The following PROS1 variants were observed in gnomAD, a reference collection of about 807,000 sequenced individuals.
PROS1 encodes protein S, also known as vitamin K-dependent protein S.
Under a neutral mutation model 75.9 loss-of-function variants are expected in PROS1, and 29 were observed. The observed-to-expected ratio is 0.38, with a 90% CI of 0.28 to 0.52. PROS1 has a LOEUF of 0.52. Among genes scored for constraint, PROS1 ranks in the 20% least tolerant of loss-of-function variants. PROS1 has a pLI of 0.83. For synonymous variants in PROS1, 245 were observed against 280.6 expected, an observed-to-expected ratio of 0.87 and a Z score of 1.27; for missense variants, 680 against 810.3, an observed-to-expected ratio of 0.84 and a Z score of 1.95.
At chr3:93,956,617 A>G (rs1013890858) in intron 1 of PROS1, among the ~76,000 whole-genome samples, 2 of 150,456 alleles carry the variant, frequency 1.3e-5, no homozygotes, top group Non-Finnish European at 3.0e-5. Context: ...AAGCCTCACA[A>G]GATAGTGGAT....
chr3:93,948,214 G>T (rs1709436225), intron 1 of PROS1, among the ~76,000 whole-genome samples: 1 of 151,590 alleles, frequency 6.6e-6, no homozygotes, highest in Non-Finnish European at 1.5e-5. Flanking sequence ...TGAAGACACA[G>T]AAGAAAACAT....
Position 93,964,878 on chromosome 3 carries a change from T to C in PROS1, c.76+8796A>G, listed in dbSNP as rs1038188198. On this transcript the variant is annotated intron_variant, in intron 1 of 14. Transcript: ENST00000394236. ...TCAGCCAGCCAACACTTATGGAAAA[T>C]AGAAAGAACCTATGTTGAAATATTG... 2.6e-5 allele frequency among the ~76,000 whole-genome samples: 4 copies of C among 152,106 alleles called. No individual in the cohort carries two copies. In the East Asian group the frequency reaches 5.8e-4, roughly 22 times the overall value.
intron 13 of PROS1, 139 bp from the exon 14 acceptor site, chr3:93,877,330 G>GA: frequency 1.7e-6 from 1 of 581,968 alleles, no homozygotes; most frequent in African/African-American, 1.9e-5. Context: ...AAATTTAAGG[G>GA]AAAAATCACT....
intron 1 of PROS1, among the ~76,000 whole-genome samples, chr3:93,956,502 C>T (rs1709601360): frequency 6.7e-6 from 1 of 149,554 alleles, no homozygotes; most frequent in African/African-American, 2.5e-5. Context: ...CTCTGTCTCT[C>T]TCTCTCTCTG....
chr3:93,890,839 C>T (rs1236623842), intron 10 of PROS1, among the ~76,000 whole-genome samples: 1 of 152,174 alleles, frequency 6.6e-6, no homozygotes, highest in Admixed American at 6.5e-5. Flanking sequence ...GGTGCAGTGG[C>T]TCACACCTGT....
chr3:93,952,304 C>G (rs1709513839), intron 1 of PROS1, among the ~76,000 whole-genome samples: 1 of 152,138 alleles, frequency 6.6e-6, no homozygotes, highest in Non-Finnish European at 1.5e-5. Flanking sequence ...CACACTTATT[C>G]CAAAATTGAC....
intron 7 of PROS1, among the ~76,000 whole-genome samples, chr3:93,899,063 A>G (rs1308335349): frequency 1.3e-5 from 2 of 152,048 alleles, no homozygotes; most frequent in Non-Finnish European, 2.9e-5. Context: ...GGTTGATACA[A>G]TCAGGAATTA....
chr3:93,905,464 G>T (rs531861176), intron 6 of PROS1, among the ~76,000 whole-genome samples: 1 of 152,174 alleles, frequency 6.6e-6, no homozygotes, highest in South Asian at 2.1e-4. Context: ...AACTAGCTGG[G>T]CATGGTGGCA....
At chr3:93,958,237 T>C (rs1022044021) in intron 1 of PROS1, among the ~76,000 whole-genome samples, 4 of 152,216 alleles carry the variant, frequency 2.6e-5, no homozygotes, top group Admixed American at 2.6e-4. Flanking sequence ...AAAGAATTTG[T>C]GTCATCTAAC....
chr3:93,898,667 A>G lies in PROS1; in HGVS notation c.728-98T>C, dbSNP rs1576182964. 5.1e-6 allele frequency: 7 copies of G among 1,376,004 alleles called. No homozygotes were observed. The East Asian group carries it at 1.4e-4, about 28-fold the overall frequency. 85.2% of individuals were successfully genotyped at this position (1,376,004 alleles called of 1,614,324 possible). On this transcript the variant is annotated intron_variant, in intron 7 of 14. Transcript: ENST00000394236. ...TTATGATTGTAGTATGATATAATCA[A>G]TGATAATCGAACCTTAGGGAAAGAA...
intron 1 of PROS1, among the ~76,000 whole-genome samples, chr3:93,931,202 T>A (rs1709100529): frequency 6.6e-6 from 1 of 152,184 alleles, no homozygotes; most frequent in Non-Finnish European, 1.5e-5. Context: ...GGTGACATGA[T>A]TTGCTACGAG....
chr3:93,966,801 C>T (rs1032263852), intron 1 of PROS1, among the ~76,000 whole-genome samples: 10 of 147,148 alleles, frequency 6.8e-5, no homozygotes, highest in Admixed American at 2.0e-4. Context: ...CAGAGCAAGA[C>T]TCTGTTCCAA....
intron 3 of PROS1, among the ~76,000 whole-genome samples, chr3:93,911,780 C>A (rs375284001): frequency 1.3e-5 from 2 of 152,140 alleles, no homozygotes; most frequent in African/African-American, 4.8e-5. Context: ...ACTGCCATGG[C>A]AGTTATGGGA....
intron 3 of PROS1, among the ~76,000 whole-genome samples, chr3:93,916,814 C>T (rs1382303866): frequency 1.3e-5 from 2 of 152,186 alleles, no homozygotes; most frequent in Non-Finnish European, 2.9e-5. Flanking sequence ...TGTACCTTTA[C>T]TTATATTTTT....
intron 1 of PROS1, among the ~76,000 whole-genome samples, chr3:93,954,637 A>C (rs1271842696): frequency 6.6e-6 from 1 of 152,222 alleles, no homozygotes; most frequent in Non-Finnish European, 1.5e-5. Flanking sequence ...AAGATAACCT[A>C]GGCAATAGCA....
intron 2 of PROS1, among the ~76,000 whole-genome samples, chr3:93,925,281 A>G (rs1709000233): frequency 6.6e-6 from 1 of 152,232 alleles, no homozygotes; most frequent in South Asian, 2.1e-4. Context: ...CTTAGTAAGT[A>G]CAGAACATAA....
At chr3:93,897,356 AC>A (rs5850918) in intron 8 of PROS1, among the ~76,000 whole-genome samples, 12,719 of 152,168 alleles carry the variant, frequency 0.084, 778 homozygotes, top group African/African-American at 0.17. Flanking sequence ...AAATTATTGA[AC>A]ACATATGAGG....
At position 93,906,802 on chromosome 3, in the gene PROS1, C is replaced by A. The variant is rs539253322; in HGVS notation, c.347-659G>T. 3.3e-4 allele frequency among the ~76,000 whole-genome samples: 51 copies of A among 152,352 alleles called. 1 individual carries two copies. Among genetic ancestry groups the A allele is most frequent in the Admixed American group, 3.1e-3 (47 of 15,310 alleles). ...TCCTGACCTCTCCTCTCTCCTGGCA[C>A]CCACTCTGGTCATGGAACAAGGTTG... is the stretch of plus-strand genomic sequence containing the variant. On this transcript the variant is annotated intron_variant, in intron 4 of 14. Coordinates refer to ENST00000394236, the MANE Select transcript of PROS1 (RefSeq NM_000313.4).
At position 93,877,070 on chromosome 3, in the gene PROS1, G is replaced by A; in HGVS notation, c.1766C>T (p.Pro589Leu). 2 of 1,613,404 alleles carry A rather than the reference G, an allele frequency of 1.2e-6. No homozygotes were observed. Among genetic ancestry groups the A allele is most frequent in the African/African-American group, 1.3e-5 (1 of 74,992 alleles). Residue 589 changes from proline (P) to leucine (L), a missense_variant, in exon 14 of 15, where the codon CCA becomes CTA. Coordinates refer to ENST00000394236, the MANE Select transcript of PROS1 (RefSeq NM_000313.4). Reference protein sequence around the residue: ...VNRNNLELSTPLKIETISHED... With the variant: ...VNRNNLELSTLLKIETISHED... Reference sequence around the variant, plus strand: ...ATGGGAGATGGTTTCTATTTTAAGTGGTGTCGACAACTCCAGATTGTTTCT... The same window carrying A: ...ATGGGAGATGGTTTCTATTTTAAGTAGTGTCGACAACTCCAGATTGTTTCT...
Sources: gnomAD v4.1 joint callset for allele counts (sites outside exome capture counted in the v4.1 genomes callset) on GRCh38, gnomAD v4.1.1 for gene constraint, MANE v1.5 for transcripts, NCBI Gene and HGNC (gene_info 2026-07-23, HGNC 2026-07-21) for gene names.